The following CACNA1E variants were observed in gnomAD, a reference collection of about 807,000 sequenced individuals.
The protein encoded by CACNA1E is calcium voltage-gated channel subunit alpha1 E.
In CACNA1E, 40 loss-of-function variants were observed where a neutral mutation model predicts 259.2. The observed-to-expected ratio is 0.15, with a 90% CI of 0.12 to 0.20. The LOEUF (loss-of-function observed/expected upper bound fraction) is 0.20, where lower values mean the gene tolerates loss of function less well. Among genes scored for constraint, CACNA1E ranks in the 10% least tolerant of loss-of-function variants. The pLI is 1.00. For missense variants in CACNA1E, 1,874 were observed against 3,040.1 expected (o/e 0.62, Z 9.02); for synonymous variants, 1,104 against 1,138.5 (o/e 0.97, Z 0.61).
At chr1:181,716,988 C>A in intron 10 of CACNA1E, 105 bp from the exon 11 acceptor site, 1 of 864,796 alleles carries the variant, frequency 1.2e-6, no homozygotes, top group South Asian at 1.5e-5. Context: ...ATGTGGCAGT[C>A]ACCTTGCCCT....
chr1:181,651,540 T>G, intron 7 of CACNA1E, 99 bp downstream of exon 7: 5 of 832,710 alleles, frequency 6.0e-6, no homozygotes, highest in Non-Finnish European at 7.9e-6. Context: ...TAACCTTCAT[T>G]TAGAAGACAC....
chr1:181,718,969 C>T (rs151183442), intron 12 of CACNA1E, among the ~76,000 whole-genome samples: 200 of 152,296 alleles, frequency 1.3e-3, no homozygotes, highest in African/African-American at 4.7e-3. Flanking sequence ...AATCCCACTA[C>T]TTTTTCTGCC....
rs557625392 is a variant in CACNA1E, at chr1:181,659,165, C to T, written c.1055+7724C>T. 2.0e-5 allele frequency among the ~76,000 whole-genome samples: 3 copies of T among 152,086 alleles called. No individual in the cohort carries two copies. In the South Asian group the frequency reaches 6.2e-4, roughly 32 times the overall value. On this transcript the variant is annotated intron_variant, in intron 7 of 47. Coordinates refer to ENST00000367573, the MANE Select transcript of CACNA1E (RefSeq NM_001205293.3). The stretch of plus-strand genomic sequence containing the variant: ...AATTAAAGGGGGAACACACATGGCT[C>T]CTAGGTTGGGCAAGTGAGGGAGAGA...
intron 6 of CACNA1E, among the ~76,000 whole-genome samples, chr1:181,625,337 C>T (rs768215754): frequency 1.4e-4 from 22 of 152,140 alleles, no homozygotes; most frequent in Admixed American, 6.6e-4. Flanking sequence ...ACGATTTTCT[C>T]GTCTCTAGTT....
chr1:181,455,181 A>T (rs1356059634), intron 2 of CACNA1E, among the ~76,000 whole-genome samples: 1 of 152,230 alleles, frequency 6.6e-6, no homozygotes, highest in Admixed American at 6.5e-5. Flanking sequence ...TTAAAAAAAT[A>T]GAAAGTTGGC....
At chr1:181,482,485 T>C (rs1419200177), upstream of CACNA1E, among the ~76,000 whole-genome samples, 1 of 152,224 alleles carries the variant, frequency 6.6e-6, no homozygotes, top group African/African-American at 2.4e-5. Flanking sequence ...GCTGCTACCC[T>C]TTGGCCACAT....
At chr1:181,451,734 T>C (rs1661169283) in intron 2 of CACNA1E, among the ~76,000 whole-genome samples, 2 of 152,130 alleles carry the variant, frequency 1.3e-5, no homozygotes, top group Non-Finnish European at 2.9e-5. Context: ...AATGTTTTAT[T>C]TGAGAGTCAC....
intron 2 of CACNA1E, among the ~76,000 whole-genome samples, chr1:181,424,439 A>T (rs1659004449): frequency 6.6e-6 from 1 of 152,242 alleles, no homozygotes; most frequent in South Asian, 2.1e-4. Flanking sequence ...AACCTTCCGC[A>T]GTTCTAGAAA....
intron 1 of CACNA1E, among the ~76,000 whole-genome samples, chr1:181,348,429 C>T (rs887702323): frequency 3.3e-5 from 5 of 152,062 alleles, no homozygotes; most frequent in Admixed American, 6.5e-5. Context: ...TCAAAGAAAG[C>T]GTGAGTGATC....
chr1:181,637,271 G>T (rs72733136), intron 6 of CACNA1E, among the ~76,000 whole-genome samples: 3 of 151,992 alleles, frequency 2.0e-5, no homozygotes, highest in African/African-American at 7.3e-5. Context: ...AGATATACCT[G>T]GGAAGGGGTT....
intron 1 of CACNA1E, among the ~76,000 whole-genome samples, chr1:181,376,074 T>G (rs192244035): frequency 2.4e-4 from 37 of 152,322 alleles, no homozygotes; most frequent in Non-Finnish European, 4.9e-4. Flanking sequence ...TGATCTCTAG[T>G]GCAAGAGTTT....
At chr1:181,340,622 A>G (rs2102630812) in intron 1 of CACNA1E, among the ~76,000 whole-genome samples, 1 of 152,120 alleles carries the variant, frequency 6.6e-6, no homozygotes, top group South Asian at 2.1e-4. Flanking sequence ...TTCTTCATCC[A>G]TCTTGCATAT....
intron 3 of CACNA1E, among the ~76,000 whole-genome samples, chr1:181,527,523 T>C (rs1465336674): frequency 6.6e-6 from 1 of 152,236 alleles, no homozygotes; most frequent in Non-Finnish European, 1.5e-5. Context: ...TTTCAAAATA[T>C]AATTGAATAG....
intron 6 of CACNA1E, among the ~76,000 whole-genome samples, chr1:181,639,610 C>G (rs183221750): frequency 5.0e-4 from 76 of 152,328 alleles, no homozygotes; most frequent in Non-Finnish European, 9.3e-4. Context: ...TTCCTACATT[C>G]CACCCTAATG....
At chr1:181,445,519 T>C (rs1660739586) in intron 2 of CACNA1E, among the ~76,000 whole-genome samples, 1 of 152,126 alleles carries the variant, frequency 6.6e-6, no homozygotes, top group Non-Finnish European at 1.5e-5. Context: ...GGAAGTGCCT[T>C]GTGTAGCTGG....
chr1:181,551,957 A>G (rs2102843429), intron 3 of CACNA1E, among the ~76,000 whole-genome samples: 1 of 151,786 alleles, frequency 6.6e-6, no homozygotes, highest in East Asian at 1.9e-4. Context: ...TGATTCACTG[A>G]CTCAAGTTAT....
chr1:181,404,756 G>T (rs1371360118), intron 1 of CACNA1E, among the ~76,000 whole-genome samples: 1 of 152,202 alleles, frequency 6.6e-6, no homozygotes, highest in Non-Finnish European at 1.5e-5. Context: ...CAGCTGAGGT[G>T]TGCAAAAAGG....
At chr1:181,708,082 T>G (rs2102409922) in intron 7 of CACNA1E, among the ~76,000 whole-genome samples, 1 of 152,268 alleles carries the variant, frequency 6.6e-6, no homozygotes, top group East Asian at 1.9e-4. Context: ...GCACTAGCCT[T>G]GAACGCCCAT....
chr1:181,445,841 C>A (rs1339683175), intron 2 of CACNA1E, among the ~76,000 whole-genome samples: 1 of 152,212 alleles, frequency 6.6e-6, no homozygotes, highest in Non-Finnish European at 1.5e-5. Flanking sequence ...GGGAGAGCAT[C>A]TTTTCACCTT....
Sources: allele counts gnomAD v4.1 joint callset (sites outside exome capture counted in the v4.1 genomes callset), GRCh38; gene constraint gnomAD v4.1.1; transcripts MANE v1.5; gene names NCBI Gene and HGNC (gene_info 2026-07-23, HGNC 2026-07-21).